KIAA1217: variants seen among roughly 807,000 people sequenced by gnomAD.
KIAA1217 encodes sickle tail protein homolog.
In KIAA1217, 88 loss-of-function variants were observed where a neutral mutation model predicts 163.9. That is an observed-to-expected ratio of 0.54 (90% confidence interval 0.45 to 0.64). The LOEUF (loss-of-function observed/expected upper bound fraction) is 0.64. Ranked by LOEUF, KIAA1217 falls within the 30% of genes least tolerant of loss-of-function variation. The pLI is 0.00. For missense variants in KIAA1217, 2,372 were observed against 2,475.0 expected, an observed-to-expected ratio of 0.96 and a Z score of 0.88; for synonymous variants, 903 against 923.1, an observed-to-expected ratio of 0.98 and a Z score of 0.39.
chr10:23,924,477 A>G (rs1356950195), intron 1 of KIAA1217, among the ~76,000 whole-genome samples: 1 of 152,208 alleles, frequency 6.6e-6, no homozygotes, highest in Non-Finnish European at 1.5e-5. Context: ...TAAAGATGAT[A>G]CCGATTTTGT....
chr10:24,058,389 T>A (rs1390034472), intron 2 of KIAA1217, among the ~76,000 whole-genome samples: 1 of 152,222 alleles, frequency 6.6e-6, no homozygotes, highest in African/African-American at 2.4e-5. Flanking sequence ...CCTTCATGAT[T>A]CCATGTGAAT....
At chr10:24,346,255 G>A (rs1292678282) in intron 2 of KIAA1217, among the ~76,000 whole-genome samples, 3 of 152,136 alleles carry the variant, frequency 2.0e-5, no homozygotes, top group East Asian at 1.9e-4. Context: ...CACCAGGTCC[G>A]GAGATCGAGA....
intron 1 of KIAA1217, among the ~76,000 whole-genome samples, chr10:23,780,141 GT>G (rs1448863212): frequency 1.3e-5 from 2 of 152,054 alleles, no homozygotes; most frequent in Admixed American, 1.3e-4. Flanking sequence ...CCAAGTTTTT[GT>G]TTTGTTTTTA....
intron 2 of KIAA1217, among the ~76,000 whole-genome samples, chr10:24,192,924 C>G (rs1248746343): frequency 6.6e-6 from 1 of 152,168 alleles, no homozygotes; most frequent in Non-Finnish European, 1.5e-5. Flanking sequence ...GTACTACAGG[C>G]ATGTGCCACC....
intron 2 of KIAA1217, among the ~76,000 whole-genome samples, chr10:24,258,703 C>T (rs2075418319): frequency 6.6e-6 from 1 of 152,024 alleles, no homozygotes; most frequent in Non-Finnish European, 1.5e-5. Flanking sequence ...CGCCATTCTC[C>T]TGCCTCACCC....
At chr10:24,230,529 A>G (rs1435046254) in intron 2 of KIAA1217, among the ~76,000 whole-genome samples, 1 of 114,538 alleles carries the variant, frequency 8.7e-6, no homozygotes, top group Non-Finnish European at 1.7e-5. Flanking sequence ...TTTTTGAGAC[A>G]GAGTCTCACT....
intron 1 of KIAA1217, among the ~76,000 whole-genome samples, chr10:23,772,482 G>T (rs1182188914): frequency 6.6e-6 from 1 of 152,096 alleles, no homozygotes; most frequent in Non-Finnish European, 1.5e-5. Flanking sequence ...AACAAAAAAA[G>T]ATCAGCTAAT....
intron 2 of KIAA1217, among the ~76,000 whole-genome samples, chr10:24,267,662 A>G (rs1197532466): frequency 2.0e-5 from 3 of 152,222 alleles, no homozygotes. Flanking sequence ...GACTGCTGAT[A>G]AAGCTAAATA....
chr10:23,815,692 A>C (rs1837284000), intron 1 of KIAA1217, among the ~76,000 whole-genome samples: 1 of 152,192 alleles, frequency 6.6e-6, no homozygotes, highest in Non-Finnish European at 1.5e-5. Flanking sequence ...AAATATTCTT[A>C]GATGACTACA....
At chr10:23,720,646 C>T (rs535995936) in intron 1 of KIAA1217, among the ~76,000 whole-genome samples, 1 of 152,304 alleles carries the variant, frequency 6.6e-6, no homozygotes, top group South Asian at 2.1e-4. Flanking sequence ...CAATTGGTTA[C>T]TTCCTCTCCA....
chr10:24,031,436 A>C (rs1665041104), intron 2 of KIAA1217, among the ~76,000 whole-genome samples: 1 of 152,058 alleles, frequency 6.6e-6, no homozygotes. Context: ...GAGTAGCCGG[A>C]ACCGCAGCAT....
intron 2 of KIAA1217, among the ~76,000 whole-genome samples, chr10:24,233,241 TTGTC>T (rs1322044147): frequency 6.6e-6 from 1 of 152,212 alleles, no homozygotes; most frequent in Non-Finnish European, 1.5e-5. Context: ...AGAGATCACA[TTGTC>T]TGAGAGGATG....
chr10:23,939,185 AG>A (rs1268695774), intron 1 of KIAA1217, among the ~76,000 whole-genome samples: 3 of 152,346 alleles, frequency 2.0e-5, no homozygotes, highest in African/African-American at 7.2e-5. Context: ...AAAGTAAAAA[AG>A]GAGCAAAAAG....
At chr10:24,390,035 C>T (rs2054629166) in intron 3 of KIAA1217, among the ~76,000 whole-genome samples, 1 of 152,182 alleles carries the variant, frequency 6.6e-6, no homozygotes, top group Non-Finnish European at 1.5e-5. Context: ...CTTTACCAAA[C>T]CAGGTCTATA....
intron 2 of KIAA1217, among the ~76,000 whole-genome samples, chr10:24,109,384 CTTTTT>C (rs113325699): frequency 1.4e-5 from 2 of 147,618 alleles, no homozygotes; most frequent in Non-Finnish European, 3.0e-5. Flanking sequence ...ACTGTGGTCT[CTTTTT>C]TTTTTGATTA....
intron 1 of KIAA1217, among the ~76,000 whole-genome samples, chr10:23,716,682 G>T (rs769956785): frequency 2.6e-5 from 4 of 152,134 alleles, no homozygotes; most frequent in African/African-American, 4.8e-5. Context: ...CAATGGAAAA[G>T]CTGGTCCACC....
At chr10:24,409,301 G>A (rs530865899) in intron 3 of KIAA1217, among the ~76,000 whole-genome samples, 20 of 152,236 alleles carry the variant, frequency 1.3e-4, no homozygotes, top group African/African-American at 4.3e-4. Context: ...CTTGAGATAA[G>A]CAACAGCATG....
rs78629604 is a variant in KIAA1217, at chr10:24,273,020, A to G, written c.354+53111A>G. On this transcript the variant is annotated intron_variant, in intron 2 of 20. Coordinates refer to ENST00000376454, the MANE Select transcript of KIAA1217 (RefSeq NM_019590.5). The stretch of plus-strand genomic sequence containing the variant: ...GTCTGTGCCCTTCTGCGCCTTGGAC[A>G]GTTATGGACAGAAGCCTTTAAGAAG... Among the ~76,000 whole-genome samples the G allele has an allele frequency of 1.2e-4, 19 of 152,332 alleles. No homozygotes were observed. In the East Asian group the frequency reaches 3.5e-3, roughly 28 times the overall value.
intron 2 of KIAA1217, among the ~76,000 whole-genome samples, chr10:24,312,827 A>C (rs1175230400): frequency 6.6e-6 from 1 of 151,988 alleles, no homozygotes; most frequent in East Asian, 1.9e-4. Context: ...AGGTGGGAGG[A>C]TCACTTGAGA....
Sources: gnomAD v4.1 joint callset for allele counts (sites outside exome capture counted in the v4.1 genomes callset) on GRCh38, gnomAD v4.1.1 for gene constraint, MANE v1.5 for transcripts, NCBI Gene and HGNC (gene_info 2026-07-23, HGNC 2026-07-21) for gene names.